SNX29: variants seen among roughly 807,000 people sequenced by gnomAD.
SNX29 encodes sorting nexin-29.
Under a neutral mutation model 102.1 loss-of-function variants are expected in SNX29, and 78 were observed. That is an observed-to-expected ratio of 0.76 (90% CI 0.64 to 0.92). SNX29 has a LOEUF of 0.92. Ranked by LOEUF, SNX29 falls within the 40% of genes least tolerant of loss-of-function variation. The pLI is 0.00. For synonymous variants in SNX29, 580 were observed against 414.5 expected (o/e 1.40, Z -4.85); for missense variants, 1,280 against 1,061.7 (o/e 1.21, Z -2.86).
chr16:12,360,667 A>C (rs1344089870), intron 16 of SNX29, among the ~76,000 whole-genome samples: 1 of 148,854 alleles, frequency 6.7e-6, no homozygotes, highest in Non-Finnish European at 1.5e-5. Context: ...TACCGTATTG[A>C]AAGCCTAATA....
chr16:12,362,303 G>A (rs2082322674), intron 16 of SNX29, among the ~76,000 whole-genome samples: 1 of 152,148 alleles, frequency 6.6e-6, no homozygotes. Context: ...AGGCTGGCTG[G>A]CAGTCCACAG....
chr16:12,106,567 G>A lies in SNX29; in HGVS notation c.1403-20066G>A, dbSNP rs138220286. On this transcript the variant is annotated intron_variant, in intron 11 of 20. Transcript: ENST00000566228. ...TACCTTATGGCAGCATCCACTTCCC[G>A]GTCTCAATTGATCCTCCTGCCTCAG... Among the ~76,000 whole-genome samples, 142 of 151,958 alleles carry A rather than the reference G, an allele frequency of 9.3e-4. 2 individuals are homozygous for A. The East Asian group carries it at 0.025, about 27-fold the overall frequency.
chr16:12,455,313 A>G (rs2086486133), intron 18 of SNX29, among the ~76,000 whole-genome samples: 1 of 152,090 alleles, frequency 6.6e-6, no homozygotes, highest in Non-Finnish European at 1.5e-5. Context: ...TGGGACTTCC[A>G]GACCCTGGGT....
chr16:12,064,748 G>T (rs953019478), intron 9 of SNX29, among the ~76,000 whole-genome samples: 5 of 152,192 alleles, frequency 3.3e-5, no homozygotes, highest in Admixed American at 2.6e-4. Flanking sequence ...GCCGACTGGT[G>T]CCAAGACTCT....
intron 14 of SNX29, among the ~76,000 whole-genome samples, chr16:12,247,637 G>A (rs574458982): frequency 3.9e-5 from 6 of 152,298 alleles, no homozygotes; most frequent in East Asian, 1.9e-4. Flanking sequence ...CCTGCATTTC[G>A]TAGTGGCATG....
At chr16:12,046,503 G>C in intron 6 of SNX29, 49 bp downstream of exon 6, 1 of 1,592,610 alleles carries the variant, frequency 6.3e-7, no homozygotes, top group Non-Finnish European at 8.6e-7. Flanking sequence ...ACTTGGCAGA[G>C]GGGCTGCCTT....
chr16:12,297,287 T>A (rs77857687), intron 15 of SNX29: 10,573 of 152,434 alleles, frequency 0.069, 825 homozygotes, highest in African/African-American at 0.19. Context: ...TCTCACCTGC[T>A]GCCATGGCCA....
intron 13 of SNX29, among the ~76,000 whole-genome samples, chr16:12,186,773 G>A (rs1343201585): frequency 6.6e-6 from 1 of 152,028 alleles, no homozygotes; most frequent in Non-Finnish European, 1.5e-5. Context: ...CCTCAATTTG[G>A]GTTTGTCAGC....
chr16:12,047,305 A>C (rs2050128570), intron 6 of SNX29, among the ~76,000 whole-genome samples: 1 of 152,180 alleles, frequency 6.6e-6, no homozygotes, highest in African/African-American at 2.4e-5. Flanking sequence ...GCCGGACTGA[A>C]GTGGGCAACT....
At chr16:12,060,805 C>T (rs563873110) in intron 8 of SNX29, 68 of 456,272 alleles carry the variant, frequency 1.5e-4, no homozygotes, top group Middle Eastern at 9.8e-4. Context: ...CCTGGCGTTT[C>T]GAAGATGGCA....
chr16:12,190,109 T>C (rs2076605441), intron 13 of SNX29, among the ~76,000 whole-genome samples: 1 of 152,174 alleles, frequency 6.6e-6, no homozygotes, highest in Non-Finnish European at 1.5e-5. Context: ...GTCAGGGTTA[T>C]GGGGAGATTT....
intron 9 of SNX29, 27 bp from the exon 10 acceptor site, chr16:12,069,030 C>T (rs143474312): frequency 1.9e-6 from 3 of 1,609,674 alleles, no homozygotes; most frequent in African/African-American, 1.3e-5. Context: ...AAAGTGACCT[C>T]TTTCTGTGAT....
chr16:12,400,641 C>T (rs961766138), intron 17 of SNX29, among the ~76,000 whole-genome samples: 11 of 152,224 alleles, frequency 7.2e-5, no homozygotes, highest in Non-Finnish European at 1.3e-4. Flanking sequence ...AGTCACTCTC[C>T]TTAGATCCAG....
At chr16:12,273,335 G>GT (rs1567383303) in intron 14 of SNX29, among the ~76,000 whole-genome samples, 1 of 91,094 alleles carries the variant, frequency 1.1e-5, no homozygotes, top group Non-Finnish European at 2.2e-5. Flanking sequence ...GTGGTTTTTT[G>GT]TTTTTTGTTT....
At chr16:12,548,419 C>T (rs369899476) in intron 20 of SNX29, among the ~76,000 whole-genome samples, 10 of 152,172 alleles carry the variant, frequency 6.6e-5, no homozygotes, top group African/African-American at 1.9e-4. Flanking sequence ...CCTCTGGCTC[C>T]CCACTGTGCC....
intron 14 of SNX29, among the ~76,000 whole-genome samples, chr16:12,276,365 C>T (rs927295817): frequency 3.9e-5 from 6 of 152,294 alleles, no homozygotes; most frequent in Middle Eastern, 3.4e-3. Flanking sequence ...CTTCTTTCTG[C>T]GTGTTTCCTG....
At chr16:12,390,149 GGTGTGTGTGTGTGT>G (rs34547147) in intron 16 of SNX29, among the ~76,000 whole-genome samples, 5 of 145,678 alleles carry the variant, frequency 3.4e-5, no homozygotes, top group Non-Finnish European at 7.5e-5. Context: ...GCAATTGAGG[GGTGTGTGTGTGTGT>G]GTGTGTGTGT....
At chr16:12,551,099 T>G (rs1284080354) in intron 20 of SNX29, among the ~76,000 whole-genome samples, 3 of 152,116 alleles carry the variant, frequency 2.0e-5, no homozygotes, top group South Asian at 4.1e-4. Context: ...TTTGCTTGGA[T>G]GAAATCTGGT....
intron 10 of SNX29, among the ~76,000 whole-genome samples, chr16:12,075,058 A>G (rs2051485635): frequency 6.6e-6 from 1 of 152,108 alleles, no homozygotes; most frequent in Non-Finnish European, 1.5e-5. Flanking sequence ...TTCTAGTTAT[A>G]CATTCGTCTA....
Sources: allele counts gnomAD v4.1 joint callset (sites outside exome capture counted in the v4.1 genomes callset), GRCh38; gene constraint gnomAD v4.1.1; transcripts MANE v1.5; gene names NCBI Gene and HGNC (gene_info 2026-07-23, HGNC 2026-07-21).